The following PLEKHG3 variants were observed in gnomAD, a reference collection of about 807,000 sequenced individuals.
The protein encoded by PLEKHG3 is pleckstrin homology domain-containing family G member 3.
Under a neutral mutation model 94.9 loss-of-function variants are expected in PLEKHG3, and 62 were observed. The observed-to-expected ratio is 0.65, with a 90% confidence interval of 0.53 to 0.81. PLEKHG3 has a LOEUF of 0.81. Among genes scored for constraint, PLEKHG3 ranks in the 30% least tolerant of loss-of-function variants. The probability of loss-of-function intolerance (pLI) is 0.00; values close to 1 mark genes in which losing one functional copy is unlikely to be tolerated. For synonymous variants in PLEKHG3, 614 were observed against 654.0 expected, an observed-to-expected ratio of 0.94 and a Z score of 0.93; for missense variants, 1,461 against 1,619.3, an observed-to-expected ratio of 0.90 and a Z score of 1.68.
In PLEKHG3 at chr14:64,727,700, C is replaced by T. The variant is rs1310160849; in HGVS notation, c.69C>T (p.Thr23=). ...QERPVSLTST[T]SSSGSSCDSR... ...GGCCGGTGAGCCTGACCTCTACCAC[C>T]TCCTCGTCGGGCTCCTCCTGTGACA... The change falls in exon 2 of 17, where the codon ACC becomes ACT. Residue 23 remains threonine, a synonymous_variant. Coordinates refer to ENST00000247226, the MANE Select transcript of PLEKHG3 (RefSeq NM_001308147.2). The surrounding 1 kb of genome is among the most constrained non-coding windows in gnomAD (Gnocchi z 6.0). 1.9e-6 allele frequency: 3 copies of T among 1,612,438 alleles called. No homozygotes were observed. The highest frequency in any genetic ancestry group is 1.1e-5 in the South Asian group (1 of 91,018).
In PLEKHG3 at chr14:64,730,168, A is replaced by G. The variant is rs1160773010; in HGVS notation, c.450-75A>G. ...GGCTGGCTGTCAGTCAGGGTTTGGG[A>G]GGTTGGGGAGGGGGCAGTGAGGGGC... On this transcript the variant is annotated intron_variant, in intron 3 of 16. Coordinates refer to ENST00000247226, the MANE Select transcript of PLEKHG3 (RefSeq NM_001308147.2). This position sits in a 1 kb window ranked among gnomAD's most constrained non-coding sequence, Gnocchi z 5.4. 6.3e-6 allele frequency: 5 copies of G among 790,508 alleles called. No individual in the cohort carries two copies. Among genetic ancestry groups the G allele is most frequent in the Non-Finnish European group, 1.1e-5 (5 of 470,474 alleles). 49.0% of individuals were successfully genotyped at this position (790,508 alleles called of 1,614,324 possible).
In PLEKHG3 at chr14:64,746,955, G is replaced by C. The variant is rs184889283; in HGVS notation, c.*3252G>C. ...CTTAGCCCTGGTGTGGCACACACAGGGTCTCCCAAAGCTGGATGCCTGCAT... is the reference window on the plus strand; with the variant it reads ...CTTAGCCCTGGTGTGGCACACACAGCGTCTCCCAAAGCTGGATGCCTGCAT... On this transcript the variant is annotated 3_prime_UTR_variant, in exon 17 of 17. Coordinates refer to ENST00000247226, the MANE Select transcript of PLEKHG3 (RefSeq NM_001308147.2). The surrounding 1 kb of genome is among the most constrained non-coding windows in gnomAD (Gnocchi z 4.9). 2.6e-5 allele frequency: 4 copies of C among 152,748 alleles called. No individual in the cohort carries two copies. The East Asian group carries it at 7.7e-4, about 29-fold the overall frequency. The allele number at this position is 152,748 out of a possible 1,614,324, so 9.5% of individuals were successfully genotyped here.
Position 64,716,775 on chromosome 14 carries a change from A to T in PLEKHG3, c.-39-10818A>T, listed in dbSNP as rs2081170315. ...GGAGGTCGGGGCAGATCGACTGCAAATCAAGGCCTCACTTTTCAAGGAGTA... is the reference window on the plus strand; with the variant it reads ...GGAGGTCGGGGCAGATCGACTGCAATTCAAGGCCTCACTTTTCAAGGAGTA... On this transcript the variant is annotated intron_variant, in intron 1 of 16. Coordinates refer to ENST00000247226, the MANE Select transcript of PLEKHG3 (RefSeq NM_001308147.2). The surrounding 1 kb of genome is among the most constrained non-coding windows in gnomAD (Gnocchi z 5.0). Among the ~76,000 whole-genome samples, 1 of 152,046 alleles carries T rather than the reference A, an allele frequency of 6.6e-6. No individual in the cohort carries two copies. The highest frequency in any genetic ancestry group is 2.1e-4 in the South Asian group (1 of 4,826).
chr14:64,732,516 G>T lies in PLEKHG3; in HGVS notation c.1246+56G>T. On this transcript the variant is annotated intron_variant, in intron 11 of 16. Coordinates refer to ENST00000247226, the MANE Select transcript of PLEKHG3 (RefSeq NM_001308147.2). This position sits in a 1 kb window ranked among gnomAD's most constrained non-coding sequence, Gnocchi z 4.9. ...CCTAATCGTGCACATTGCTAGGTCA[G>T]GCTGCATCCTGGGGAAGCTTTACCT... 6.7e-7 allele frequency: 1 copy of T among 1,488,898 alleles called. No individual in the cohort carries two copies. The highest frequency in any genetic ancestry group is 9.4e-7 in the Non-Finnish European group (1 of 1,065,928). The allele number at this position is 1,488,898 out of a possible 1,614,324, so 92.2% of individuals were successfully genotyped here.
In PLEKHG3 at chr14:64,731,084, TGGA is replaced by T; in HGVS notation, c.768_770del (p.Glu256del). 1 of 1,613,538 alleles carries T rather than the reference TGGA, an allele frequency of 6.2e-7. No homozygotes were observed. The highest frequency in any genetic ancestry group is 8.5e-7 in the Non-Finnish European group (1 of 1,179,660). On this transcript the variant is annotated inframe_deletion, in exon 7 of 17. Transcript: ENST00000247226. The surrounding 1 kb of genome is among the most constrained non-coding windows in gnomAD (Gnocchi z 6.1). The stretch of plus-strand genomic sequence containing the variant: ...GAAGAAGAGGATGGCTTTGAGGTGG[TGGA>T]GGATGCCATTGACACCATGACCTGT...
In PLEKHG3 at chr14:64,749,870, C is replaced by T; in HGVS notation, c.*6167C>T. ...ATCAGCCTCTTTGATTTGAAAAACC[C>T]CTGAGGAGCAGCTCAGGCCTGGCAC... On this transcript the variant is annotated 3_prime_UTR_variant, in exon 17 of 17. Coordinates refer to ENST00000247226, the MANE Select transcript of PLEKHG3 (RefSeq NM_001308147.2). The surrounding 1 kb of genome is among the most constrained non-coding windows in gnomAD (Gnocchi z 4.7). The T allele has an allele frequency of 2.6e-6, 4 of 1,533,034 alleles. No individual in the cohort carries two copies. The highest frequency in any genetic ancestry group is 3.6e-6 in the Non-Finnish European group (4 of 1,109,786). The allele number at this position is 1,533,034 out of a possible 1,614,324, so 95.0% of individuals were successfully genotyped here. A position where few individuals can be genotyped will look rare whatever the true frequency, so the allele number is the denominator to read the frequency against.
rs146052710 is a variant in PLEKHG3 at position 64,735,540 on chromosome 14, G to A, written c.1346-1313G>A. 7.2e-3 allele frequency among the ~76,000 whole-genome samples: 1,095 copies of A among 152,360 alleles called. 16 individuals carry two copies. The highest frequency in any genetic ancestry group is 0.025 in the African/African-American group (1,052 of 41,574). On this transcript the variant is annotated intron_variant, in intron 12 of 16. Transcript: ENST00000247226. ...TGGGAGGATCACTTGAGCCTGGAAG[G>A]CAGAGGTTGCAGTGAATGGATATCG...
chr14:64,719,493 G>A (rs2081226960), intron 1 of PLEKHG3, among the ~76,000 whole-genome samples: 1 of 151,986 alleles, frequency 6.6e-6, no homozygotes, highest in South Asian at 2.1e-4. Flanking sequence ...GTGAGGTGAA[G>A]TGACTTGCCC....
chr14:64,735,614 AAAAAC>A (rs1007387610), intron 12 of PLEKHG3, among the ~76,000 whole-genome samples: 12 of 152,238 alleles, frequency 7.9e-5, no homozygotes, highest in African/African-American at 2.4e-4. Context: ...CTTGTTGCAA[AAAAAC>A]AAAACAAAAC....
intron 12 of PLEKHG3, among the ~76,000 whole-genome samples, chr14:64,736,236 G>A (rs229656): frequency 0.078 from 11,889 of 152,296 alleles, 514 homozygotes; most frequent in Non-Finnish European, 0.088. Flanking sequence ...TGGGGTACAC[G>A]GTGATGACAC....
At chr14:64,740,098 G>A (rs190877959) in intron 15 of PLEKHG3, among the ~76,000 whole-genome samples, 1 of 152,152 alleles carries the variant, frequency 6.6e-6, no homozygotes, top group East Asian at 1.9e-4. Context: ...TTTATACAGA[G>A]TCTTTGCAAT....
Position 64,749,356 on chromosome 14 carries a change from C to T in PLEKHG3, c.*5653C>T, listed in dbSNP as rs536702051. The T allele has an allele frequency of 4.2e-5, 67 of 1,610,546 alleles. No individual in the cohort carries two copies. Among genetic ancestry groups the T allele is most frequent in the South Asian group, 2.1e-4 (19 of 90,918 alleles). On this transcript the variant is annotated 3_prime_UTR_variant, in exon 17 of 17. Transcript: ENST00000247226. The surrounding 1 kb of genome is among the most constrained non-coding windows in gnomAD (Gnocchi z 4.7). ...AATCTCTTCTCCTTGTCTTTCTTGC[C>T]GAGGCTGGCGTCGGGGCCGGAGAGG... is the stretch of plus-strand genomic sequence containing the variant.
chr14:64,736,671 G>A lies in PLEKHG3; in HGVS notation c.1346-182G>A, dbSNP rs530779242. On this transcript the variant is annotated intron_variant, in intron 12 of 16. Coordinates refer to ENST00000247226, the MANE Select transcript of PLEKHG3 (RefSeq NM_001308147.2). ...GATGGATGGGCCCGCCTCCCTGTCC[G>A]TAGGTGCAAGGGGGCTCGCCGACAC... Among the ~76,000 whole-genome samples, 85 of 152,328 alleles carry A rather than the reference G, an allele frequency of 5.6e-4. 1 individual carries two copies. Among genetic ancestry groups the A allele is most frequent in the African/African-American group, 2.0e-3 (82 of 41,564 alleles).
intron 1 of PLEKHG3, among the ~76,000 whole-genome samples, chr14:64,710,162 A>G (rs1439132946): frequency 6.6e-6 from 1 of 152,228 alleles, no homozygotes; most frequent in Non-Finnish European, 1.5e-5. Context: ...AGTTCTTCCC[A>G]TAATGTGTTC....
At position 64,719,000 on chromosome 14, in the gene PLEKHG3, C is replaced by T. The variant is rs1335563426; in HGVS notation, c.-39-8593C>T. Among the ~76,000 whole-genome samples, 1 of 152,156 alleles carries T rather than the reference C, an allele frequency of 6.6e-6. No homozygotes were observed. Among genetic ancestry groups the T allele is most frequent in the Non-Finnish European group, 1.5e-5 (1 of 68,034 alleles). On this transcript the variant is annotated intron_variant, in intron 1 of 16. Transcript: ENST00000247226. The surrounding 1 kb of genome is among the most constrained non-coding windows in gnomAD (Gnocchi z 5.0). ...TCTCCGTGTGGATCCCAGAGGAATG[C>T]GCCTCTGGGATCTGCTATAGCTGCG... is the stretch of plus-strand genomic sequence containing the variant.
At chr14:64,705,933 C>T (rs550272319) in intron 1 of PLEKHG3, among the ~76,000 whole-genome samples, 6 of 152,342 alleles carry the variant, frequency 3.9e-5, no homozygotes, top group South Asian at 4.1e-4. Context: ...CTTCTCCTTT[C>T]GACACCTGCT....
Position 64,742,185 on chromosome 14 carries a change from G to A in PLEKHG3, c.2668G>A (p.Glu890Lys), listed in dbSNP as rs374902610. The change falls in exon 16 of 17, where the codon GAG becomes AAG. Residue 890 changes from glutamate to lysine, a missense_variant. By Grantham distance (56) the Glu-to-Lys change is moderately conservative (BLOSUM62 1). Coordinates refer to ENST00000247226, the MANE Select transcript of PLEKHG3 (RefSeq NM_001308147.2). ...LARELKELVK[E>K]LSSSTQGELV... is the part of the protein sequence containing the mutation. ...CCGGGAGCTGAAAGAGCTGGTGAAG[G>A]AGCTGAGCAGCAGTACCCAGGGGGA... The A allele has an allele frequency of 6.2e-7, 1 of 1,612,754 alleles. No homozygotes were observed. The highest frequency in any genetic ancestry group is 8.5e-7 in the Non-Finnish European group (1 of 1,180,012).
In PLEKHG3 at chr14:64,749,597, GGGGTCCTCCACCTACCC is replaced by G; in HGVS notation, c.*5895_*5911del. 1 of 1,610,864 alleles carries G rather than the reference GGGGTCCTCCACCTACCC, an allele frequency of 6.2e-7. No homozygotes were observed. The highest frequency in any genetic ancestry group is 8.5e-7 in the Non-Finnish European group (1 of 1,179,510). On this transcript the variant is annotated 3_prime_UTR_variant, in exon 17 of 17. Coordinates refer to ENST00000247226, the MANE Select transcript of PLEKHG3 (RefSeq NM_001308147.2). This position sits in a 1 kb window ranked among gnomAD's most constrained non-coding sequence, Gnocchi z 4.7. ...AGGGGGCCTCCAGGGCAAGCGGCCTGGGGTCCTCCACCTACCCCCTTCTTAGCCAGGTCTGGGCTAGG... is the reference window on the plus strand; with the variant it reads ...AGGGGGCCTCCAGGGCAAGCGGCCTGCCTTCTTAGCCAGGTCTGGGCTAGG...
rs1027460531 is a variant in PLEKHG3, at chr14:64,741,441, C to T, written c.1924C>T (p.Leu642Phe). Residue 642 changes from leucine (L) to phenylalanine (F), a missense_variant, in exon 16 of 17, where the codon CTC becomes TTC. This residue lies in a region of PLEKHG3 where 1,201 missense variants were observed against 1,295.5 expected (regional missense o/e 0.93). Coordinates refer to ENST00000247226, the MANE Select transcript of PLEKHG3 (RefSeq NM_001308147.2). ...PRLVSRSSSV[L>F]SLEGSEKGLA... ...GCTGGTCAGCCGGAGCAGCAGCGTG[C>T]TCAGCCTGGAGGGCAGCGAGAAGGG... 3 of 1,612,642 alleles carry T rather than the reference C, an allele frequency of 1.9e-6. No individual in the cohort carries two copies. Among genetic ancestry groups the T allele is most frequent in the Admixed American group, 1.7e-5 (1 of 60,010 alleles).
Sources: gnomAD v4.1 joint callset for allele counts (sites outside exome capture counted in the v4.1 genomes callset) on GRCh38, gnomAD v4.1.1 for gene constraint, gnomAD v4.1.1 regional missense constraint, Gnocchi (gnomAD v3.1) non-coding constraint, MANE v1.5 for transcripts, NCBI Gene and HGNC (gene_info 2026-07-23, HGNC 2026-07-21) for gene names.